Variants in SCARB2 observed in about 807,000 individuals in gnomAD.
SCARB2 encodes the protein lysosome membrane protein 2.
SCARB2 carries 29 observed loss-of-function variants against 58.6 expected under a neutral mutation model. The observed-to-expected ratio is 0.49, with a 90% confidence interval of 0.37 to 0.67. The LOEUF (loss-of-function observed/expected upper bound fraction) is 0.67. Ranked by LOEUF, SCARB2 falls within the 30% of genes least tolerant of loss-of-function variation. The probability of loss-of-function intolerance (pLI) is 0.00; values close to 1 mark genes in which losing one functional copy is unlikely to be tolerated. For missense variants in SCARB2, 488 were observed against 578.5 expected (o/e 0.84, Z 1.60); for synonymous variants, 195 against 210.1 (o/e 0.93, Z 0.62).
At chr4:76,231,319 A>C (rs930918971) in intron 1 of SCARB2, among the ~76,000 whole-genome samples, 10 of 152,204 alleles carry the variant, frequency 6.6e-5, no homozygotes, top group Non-Finnish European at 1.3e-4. Flanking sequence ...TCAGAATTAG[A>C]ATGTTGATCC....
At chr4:76,182,850 T>C (rs1360591273) in intron 2 of SCARB2, among the ~76,000 whole-genome samples, 10 of 152,220 alleles carry the variant, frequency 6.6e-5, no homozygotes, top group Non-Finnish European at 4.4e-5. Context: ...AAGTTTGTTT[T>C]TGATTCAACA....
intron 4 of SCARB2, among the ~76,000 whole-genome samples, chr4:76,178,797 T>G (rs1373510772): frequency 6.6e-6 from 1 of 152,200 alleles, no homozygotes; most frequent in Non-Finnish European, 1.5e-5. Context: ...TTTCTACGTT[T>G]TATATAACCT....
At chr4:76,167,671 C>CG in intron 9 of SCARB2, among the ~76,000 whole-genome samples, 1 of 65,262 alleles carries the variant, frequency 1.5e-5, no homozygotes, top group African/African-American at 8.2e-5. Context: ...CCCTCCCTCC[C>CG]TCCCCCCCCC....
intron 6 of SCARB2, chr4:76,175,215 A>G (rs2109942952): frequency 1.3e-5 from 2 of 153,514 alleles, no homozygotes; most frequent in Middle Eastern, 3.4e-3. Flanking sequence ...AAATTATATT[A>G]TGGATATAAC....
At chr4:76,213,191 T>A (rs1733097565) in intron 1 of SCARB2, 1 of 531,890 alleles carries the variant, frequency 1.9e-6, no homozygotes, top group Admixed American at 3.0e-5. Context: ...GAAGGCCTTT[T>A]TAAAAGTCAG....
chr4:76,198,841 A>AGTGTGTGT (rs10545527), intron 1 of SCARB2, among the ~76,000 whole-genome samples: 2,185 of 141,088 alleles, frequency 0.015, 29 homozygotes, highest in African/African-American at 0.044. Context: ...AGAGTGAGTG[A>AGTGTGTGT]GTGTGTGTGT....
At chr4:76,217,743 G>A, upstream of SCARB2, 3 of 502,744 alleles carry the variant, frequency 6.0e-6, no homozygotes, top group East Asian at 3.1e-5. Context: ...GACTGATGCT[G>A]TGGCAAGGAG....
intron 1 of SCARB2, among the ~76,000 whole-genome samples, chr4:76,201,724 T>C (rs1303472754): frequency 1.3e-5 from 2 of 152,252 alleles, no homozygotes; most frequent in Non-Finnish European, 2.9e-5. Flanking sequence ...AGTTTGGAAT[T>C]AGCAGGGTCT....
chr4:76,166,563 T>A (rs902642098), intron 9 of SCARB2: 4 of 545,476 alleles, frequency 7.3e-6, no homozygotes, highest in Non-Finnish European at 1.3e-5. Context: ...CTCCTTAGAG[T>A]CATCAGGGAA....
At chr4:76,203,748 C>A (rs562691107) in intron 1 of SCARB2, among the ~76,000 whole-genome samples, 122 of 152,272 alleles carry the variant, frequency 8.0e-4, no homozygotes, top group African/African-American at 2.9e-3. Context: ...GACTGCTGAA[C>A]ACTGACATGA....
intron 9 of SCARB2, among the ~76,000 whole-genome samples, chr4:76,167,333 G>C (rs1236752551): frequency 6.6e-6 from 1 of 152,108 alleles, no homozygotes; most frequent in East Asian, 1.9e-4. Context: ...TTGGAGGTGG[G>C]GCTTGGTAGG....
At chr4:76,162,886 C>T (rs1002738842) in intron 11 of SCARB2, 2 of 480,572 alleles carry the variant, frequency 4.2e-6, no homozygotes, top group Non-Finnish European at 7.5e-6. Flanking sequence ...TGAACTCAGG[C>T]AGTCTGACAC....
At chr4:76,173,764 G>C (rs1316599997) in intron 7 of SCARB2, 1 of 295,014 alleles carries the variant, frequency 3.4e-6, no homozygotes, top group Non-Finnish European at 6.5e-6. Context: ...TATTATTACT[G>C]TTAAGACTTC....
chr4:76,167,838 T>C lies in SCARB2; in HGVS notation c.1187+565A>G, dbSNP rs899445450. On this transcript the variant is annotated intron_variant, in intron 9 of 11. Coordinates refer to ENST00000264896, the MANE Select transcript of SCARB2 (RefSeq NM_005506.4). ...CTGGGATTATAGGCACCCACCACCA[T>C]GCCCAGCTAATTTTTGTATTTTTAG... 2.6e-5 allele frequency among the ~76,000 whole-genome samples: 4 copies of C among 152,004 alleles called. No individual in the cohort carries two copies. The East Asian group carries it at 5.8e-4, about 22-fold the overall frequency.
rs1560723551 is a variant in SCARB2, at chr4:76,213,534, ATCGGCCCAT to A, written c.1_9del (p.MetGlyArg1_?3). ...AACGTCCCCGCCGTGTAGAAGCAGCATCGGCCCATTCTGTGCGCCGCTCACGGGCCGGGC... is the reference window on the plus strand; with the variant it reads ...AACGTCCCCGCCGTGTAGAAGCAGCATCTGTGCGCCGCTCACGGGCCGGGC... On this transcript the variant is annotated start_lost and inframe_deletion, in exon 1 of 12. Coordinates refer to ENST00000264896, the MANE Select transcript of SCARB2 (RefSeq NM_005506.4). The A allele has an allele frequency of 6.2e-7, 1 of 1,609,322 alleles. No homozygotes were observed. The highest frequency in any genetic ancestry group is 8.5e-7 in the Non-Finnish European group (1 of 1,178,136).
intron 1 of SCARB2, among the ~76,000 whole-genome samples, chr4:76,224,939 A>G (rs921099833): frequency 1.2e-4 from 19 of 152,092 alleles, no homozygotes; most frequent in Admixed American, 6.5e-4. Context: ...AGTCCATTAT[A>G]TCATTCTTAT....
chr4:76,191,924 C>A (rs1191482064), intron 2 of SCARB2: 1 of 152,352 alleles, frequency 6.6e-6, no homozygotes, highest in African/African-American at 2.4e-5. Context: ...GTGGGCACCA[C>A]CATGCCAGGC....
chr4:76,189,288 T>C (rs1411689359), intron 2 of SCARB2, among the ~76,000 whole-genome samples: 1 of 152,216 alleles, frequency 6.6e-6, no homozygotes, highest in African/African-American at 2.4e-5. Context: ...TCTGTTCTCA[T>C]GCTGCTAATA....
At chr4:76,198,394 G>C (rs7691447) in intron 1 of SCARB2, among the ~76,000 whole-genome samples, 1 of 152,142 alleles carries the variant, frequency 6.6e-6, no homozygotes, top group Non-Finnish European at 1.5e-5. Context: ...CAGAAAGAAG[G>C]GGTTACCAGA....
Sources: allele counts gnomAD v4.1 joint callset (sites outside exome capture counted in the v4.1 genomes callset), GRCh38; gene constraint gnomAD v4.1.1; transcripts MANE v1.5; gene names NCBI Gene and HGNC (gene_info 2026-07-23, HGNC 2026-07-21).